CHD4: variants seen among roughly 807,000 people sequenced by gnomAD.
The protein encoded by CHD4 is chromodomain helicase DNA binding protein 4.
In CHD4, 35 loss-of-function variants were observed where a neutral mutation model predicts 235.5. The observed-to-expected ratio is 0.15, with a 90% CI of 0.11 to 0.20. The LOEUF (loss-of-function observed/expected upper bound fraction) is 0.20, where lower values mean the gene tolerates loss of function less well. CHD4 is among the 10% of genes least tolerant of loss of function. The probability of loss-of-function intolerance (pLI) is 1.00; values close to 1 mark genes in which losing one functional copy is unlikely to be tolerated. For missense variants in CHD4, 1,329 were observed against 2,432.3 expected (o/e 0.55, Z 9.54); for synonymous variants, 900 against 850.2 (o/e 1.06, Z -1.02).
Position 6,606,342 on chromosome 12 carries a change from C to T in CHD4, c.32G>A (p.Cys11Tyr), listed in dbSNP as rs1320300442. Residue 11 changes from cysteine (C) to tyrosine (Y), a missense_variant, in exon 2 of 40, where the codon TGC becomes TAC. Transcript: ENST00000544040. MASGLGSPSP[C>Y]SAGSEEEDMD... ...ATCCTCCTCCTCACTGCCCGCCGAG[C>T]AGGGGGACGGGGAGCCCAGGCCCGA... is the stretch of plus-strand genomic sequence containing the variant. 1 of 1,571,872 alleles carries T rather than the reference C, an allele frequency of 6.4e-7. No homozygotes were observed. Among genetic ancestry groups the T allele is most frequent in the Non-Finnish European group, 8.6e-7 (1 of 1,161,974 alleles).
At chr12:6,594,348 T>C (rs1948449330) in intron 15 of CHD4, 111 bp downstream of exon 15, 2 of 906,426 alleles carry the variant, frequency 2.2e-6, no homozygotes, top group South Asian at 1.7e-5. Flanking sequence ...CACAGTGTTC[T>C]TGAAGGTCAG....
rs576969005 is a variant in CHD4 at position 6,594,005 on chromosome 12, T to C, written c.2314-389A>G. Among the ~76,000 whole-genome samples the C allele has an allele frequency of 2.6e-3, 390 of 152,228 alleles. 1 individual carries two copies. In the Middle Eastern group the frequency reaches 0.031, roughly 12 times the overall value. On this transcript the variant is annotated intron_variant, in intron 15 of 39. Transcript: ENST00000544040. ...CGTGCACCACCACATCCGGCTAATT[T>C]TGTATTTTTAGTAGAGACGGGGTTT...
rs769476360 is a variant in CHD4, at chr12:6,577,861, T to C, written c.5285A>G (p.Asn1762Ser). 1.3e-5 allele frequency: 21 copies of C among 1,614,126 alleles called. No homozygotes were observed. In the Admixed American group the frequency reaches 2.3e-4, roughly 18 times the overall value. Residue 1762 changes from asparagine to serine, a missense_variant, in exon 37 of 40, where the codon AAT becomes AGT. Asn to Ser is a conservative substitution (Grantham distance 46). Around this residue, in one of 26 missense-constraint regions of CHD4, gnomAD observed 135 missense variants for 282.3 expected, o/e 0.48. Coordinates refer to ENST00000544040, the MANE Select transcript of CHD4 (RefSeq NM_001273.5). Reference sequence around the variant, plus strand: ...GTTCATTTCACCCTTGAAAGGCTCATTGAGGATGGCATAGCGTGGGTCATT... The same window carrying C: ...GTTCATTTCACCCTTGAAAGGCTCACTGAGGATGGCATAGCGTGGGTCATT... The part of the protein sequence containing the change: ...IQNDPRYAIL[N>S]EPFKGEMNRG...
rs151292235 is a variant in CHD4 at position 6,594,886 on chromosome 12, G to A, written c.2122-236C>T. Among the ~76,000 whole-genome samples, 146 of 152,276 alleles carry A rather than the reference G, an allele frequency of 9.6e-4. 2 individuals are homozygous for A. Among genetic ancestry groups the A allele is most frequent in the Admixed American group, 8.8e-3 (134 of 15,286 alleles). ...CCTACAGATCACTGAGGAAAAGCAC[G>A]TCACAGACTCCCTACCAATACAATA... On this transcript the variant is annotated intron_variant, in intron 14 of 39. Transcript: ENST00000544040.
chr12:6,601,195 C>T lies in CHD4; in HGVS notation c.799+94G>A, dbSNP rs1948583830. The T allele has an allele frequency of 3.9e-6, 6 of 1,556,496 alleles. No individual in the cohort carries two copies. The East Asian group carries it at 6.8e-5, about 18-fold the overall frequency. On this transcript the variant is annotated intron_variant, in intron 6 of 39. Coordinates refer to ENST00000544040, the MANE Select transcript of CHD4 (RefSeq NM_001273.5). ...AAGACTCATTCCTCCCTCCTATCTC[C>T]TACCTTAGGGCTGACAGACCAGCAT...
In CHD4 at chr12:6,582,680, A is replaced by G. The variant is rs1412376000; in HGVS notation, c.4305T>C (p.Pro1435=). The change falls in exon 29 of 40, where the codon CCT becomes CCC. Residue 1435 remains proline (P), a synonymous_variant. Coordinates refer to ENST00000544040, the MANE Select transcript of CHD4 (RefSeq NM_001273.5). The part of the protein sequence containing the change: ...LNAIMRYGMP[P]QDAFTTQWLV... ...GCCACTGGGTAGTAAAAGCATCCTG[A>G]GGTGGCATACCATATCGCATAATTG... 8 of 1,614,064 alleles carry G rather than the reference A, an allele frequency of 5.0e-6. No homozygotes were observed. The highest frequency in any genetic ancestry group is 6.8e-6 in the Non-Finnish European group (8 of 1,180,048).
At chr12:6,603,322 C>T (rs541817083) in intron 2 of CHD4, among the ~76,000 whole-genome samples, 1 of 152,088 alleles carries the variant, frequency 6.6e-6, no homozygotes, top group Non-Finnish European at 1.5e-5. Flanking sequence ...AGGCAGCTTC[C>T]TTTGTAACAG....
rs1480848940 is a variant in CHD4 at position 6,600,312 on chromosome 12, T to C, written c.1147A>G (p.Ile383Val). ...CEVCQQGGEI[I>V]LCDTCPRAYH... Reference sequence around the variant, plus strand: ...GCACGGGGACAGGTATCACACAGGATGATCTCACCGCCTTGCTGGCACACC... The same window carrying C: ...GCACGGGGACAGGTATCACACAGGACGATCTCACCGCCTTGCTGGCACACC... The change falls in exon 9 of 40, where the codon ATC becomes GTC. Residue 383 changes from isoleucine to valine, a missense_variant. By Grantham distance (29) the Ile-to-Val change is conservative. Around this residue, in one of 26 missense-constraint regions of CHD4, gnomAD observed 13 missense variants for 56.5 expected, o/e 0.23. Transcript: ENST00000544040. 1 of 1,614,106 alleles carries C rather than the reference T, an allele frequency of 6.2e-7. No individual in the cohort carries two copies. The highest frequency in any genetic ancestry group is 2.2e-5 in the East Asian group (1 of 44,872).
rs890415571 is a variant in CHD4 at position 6,594,782 on chromosome 12, G to C, written c.2122-132C>G. ...AGCTCCGGAAAATTCGGAGGGAAGA[G>C]ATCCCCTATGATTACTGCAATTTCA... On this transcript the variant is annotated intron_variant, in intron 14 of 39. Transcript: ENST00000544040. 63 of 734,310 alleles carry C rather than the reference G, an allele frequency of 8.6e-5. No individual in the cohort carries two copies. In the African/African-American group the frequency reaches 1.1e-3, roughly 13 times the overall value. 45.5% of individuals were successfully genotyped at this position (734,310 alleles called of 1,614,324 possible).
rs145095645 is a variant in CHD4, at chr12:6,601,749, A to G, written c.456T>C (p.Ala152=). Residue 152 remains alanine (A), a synonymous_variant, in exon 5 of 40, where the codon GCT becomes GCC. Transcript: ENST00000544040. ...DDDSKEPKSS[A]QLLEDWGMED... ...CCATGCCCCAGTCTTCCAGGAGCTG[A>G]GCAGATGATTTAGGCTCCTGCAGAA... The G allele has an allele frequency of 1.4e-5, 22 of 1,614,118 alleles. No individual in the cohort carries two copies. The African/African-American group carries it at 2.5e-4, about 19-fold the overall frequency.
chr12:6,581,898 G>A (rs566149129), intron 30 of CHD4, 84 bp from the exon 31 acceptor site: 10 of 1,444,180 alleles, frequency 6.9e-6, no homozygotes, highest in South Asian at 1.5e-5. Flanking sequence ...CGCCTCCCGG[G>A]TTCAAGCAAT....
Position 6,598,213 on chromosome 12 carries a change from T to G in CHD4, c.1686+9A>C. On this transcript the variant is annotated intron_variant, in intron 11 of 39. Coordinates refer to ENST00000544040, the MANE Select transcript of CHD4 (RefSeq NM_001273.5). ...TAGCCCCTACATCTCCAGACTATCC[T>G]AAACTTACCTGCAGTTCAGAAACCC... The G allele has an allele frequency of 1.9e-6, 3 of 1,611,568 alleles. No homozygotes were observed. Among genetic ancestry groups the G allele is most frequent in the Non-Finnish European group, 2.5e-6 (3 of 1,178,174 alleles).
chr12:6,588,436 C>G lies in CHD4; in HGVS notation c.3341-14G>C. 3 of 1,610,580 alleles carry G rather than the reference C, an allele frequency of 1.9e-6. No individual in the cohort carries two copies. The highest frequency in any genetic ancestry group is 1.7e-6 in the Non-Finnish European group (2 of 1,178,976). On this transcript the variant is annotated splice_polypyrimidine_tract_variant and intron_variant, in intron 22 of 39. Coordinates refer to ENST00000544040, the MANE Select transcript of CHD4 (RefSeq NM_001273.5). The stretch of plus-strand genomic sequence containing the variant: ...GAGCACCCGGTGCTAATAAAAGAAC[C>G]AAAAACACCATTAGAAGTGTCTCCT...
chr12:6,606,154 C>T (rs989584153), intron 2 of CHD4, 120 bp downstream of exon 2: 34 of 669,548 alleles, frequency 5.1e-5, no homozygotes, highest in South Asian at 2.0e-4. Flanking sequence ...CTTCGGATAC[C>T]CTCCACCTCC....
rs776221745 is a variant in CHD4, at chr12:6,573,191, G to A, written c.5440C>T (p.Pro1814Ser). 4 of 1,606,340 alleles carry A rather than the reference G, an allele frequency of 2.5e-6. No homozygotes were observed. Among genetic ancestry groups the A allele is most frequent in the Non-Finnish European group, 2.5e-6 (3 of 1,177,332 alleles). ...YLNMSEDPSH[P>S]SMALNTRFAE... ...AAGCGGGTGTTGAGGGCCATGGAAGGGTGAGAAGGGTCTTCTGACATGTTC... is the reference window on the plus strand; with the variant it reads ...AAGCGGGTGTTGAGGGCCATGGAAGAGTGAGAAGGGTCTTCTGACATGTTC... The change falls in exon 38 of 40, where the codon CCT becomes TCT. Residue 1814 changes from proline (P) to serine (S), a missense_variant. Pro to Ser is a moderately conservative substitution (Grantham distance 74). Coordinates refer to ENST00000544040, the MANE Select transcript of CHD4 (RefSeq NM_001273.5).
chr12:6,605,888 G>A (rs1463848653), intron 2 of CHD4, among the ~76,000 whole-genome samples: 4 of 152,144 alleles, frequency 2.6e-5, no homozygotes, highest in African/African-American at 9.7e-5. Context: ...TAGCACAGAT[G>A]CCCGGCTGGT....
chr12:6,605,345 G>A (rs538275523), intron 2 of CHD4, among the ~76,000 whole-genome samples: 1 of 152,158 alleles, frequency 6.6e-6, no homozygotes, highest in African/African-American at 2.4e-5. Context: ...ACACAGCTAG[G>A]GGCTCTGAAA....
At position 6,602,152 on chromosome 12, in the gene CHD4, C is replaced by T; in HGVS notation, c.246G>A (p.Leu82=). ...CTGGCCCCTCCCCAGAGCTGTCCCCCAGCTGCCGGCATAAGAGCATACGCT... is the reference window on the plus strand; with the variant it reads ...CTGGCCCCTCCCCAGAGCTGTCCCCTAGCTGCCGGCATAAGAGCATACGCT... The part of the protein sequence containing the change: ...KKERMLLCRQ[L]GDSSGEGPEF... The change falls in exon 4 of 40, where the codon CTG becomes CTA. Residue 82 remains leucine (L), a synonymous_variant. Transcript: ENST00000544040. 1 of 1,614,006 alleles carries T rather than the reference C, an allele frequency of 6.2e-7. No homozygotes were observed. Among genetic ancestry groups the T allele is most frequent in the Admixed American group, 1.7e-5 (1 of 60,012 alleles).
chr12:6,583,478 C>G, intron 25 of CHD4, 100 bp from the exon 26 acceptor site: 2 of 1,052,930 alleles, frequency 1.9e-6, no homozygotes, highest in East Asian at 4.8e-5. Context: ...CTTTTCATGA[C>G]TGGACTCTTA....
Sources: gnomAD v4.1 joint callset for allele counts (sites outside exome capture counted in the v4.1 genomes callset) on GRCh38, gnomAD v4.1.1 for gene constraint, gnomAD v4.1.1 regional missense constraint, MANE v1.5 for transcripts, NCBI Gene and HGNC (gene_info 2026-07-23, HGNC 2026-07-21) for gene names.